Variants in OPTN observed in about 807,000 individuals in gnomAD.
The protein encoded by OPTN is optineurin, also known as E3-14.7K-interacting protein.
Under a neutral mutation model 70.4 loss-of-function variants are expected in OPTN, and 54 were observed. The ratio of observed to expected loss-of-function variants is 0.77; its 90% confidence interval spans 0.62 to 0.96. The LOEUF is 0.96. Among genes scored for constraint, OPTN ranks in the 40% least tolerant of loss-of-function variants. The pLI, the probability that OPTN is intolerant of heterozygous loss-of-function variation, is 0.00. For missense variants in OPTN, 624 were observed against 673.2 expected (o/e 0.93, Z 0.81); for synonymous variants, 256 against 248.5 (o/e 1.03, Z -0.28).
intron 3 of OPTN, 196 bp from the exon 4 acceptor site, chr10:13,110,078 A>T (rs1832962837): frequency 3.3e-6 from 3 of 898,800 alleles, no homozygotes; most frequent in African/African-American, 1.7e-5. Flanking sequence ...TAAGGACTAG[A>T]AATGATGTTC....
intron 12 of OPTN, 63 bp from the exon 13 acceptor site, chr10:13,132,004 A>G: frequency 6.4e-7 from 1 of 1,553,246 alleles, no homozygotes; most frequent in Non-Finnish European, 8.8e-7. Context: ...CTCATCGCAT[A>G]AACACTGTAA....
At position 13,137,426 on chromosome 10, in the gene OPTN, T is replaced by C. The variant is rs1309969219; in HGVS notation, c.*560T>C. ...ACTCTTCTGATAATAATTTTAATAT[T>C]TTTTATGTTTGGTTGATGCGAGCAG... On this transcript the variant is annotated 3_prime_UTR_variant, in exon 15 of 15. Transcript: ENST00000378747. 4.3e-6 allele frequency: 1 copy of C among 232,400 alleles called. No homozygotes were observed. Among genetic ancestry groups the C allele is most frequent in the Non-Finnish European group, 8.5e-6 (1 of 117,000 alleles). 14.4% of individuals were successfully genotyped at this position (232,400 alleles called of 1,614,324 possible).
At chr10:13,100,732 G>A (rs2131465411) in intron 1 of OPTN, among the ~76,000 whole-genome samples, 1 of 152,344 alleles carries the variant, frequency 6.6e-6, no homozygotes, top group African/African-American at 2.4e-5. Context: ...GCCCAGGGTC[G>A]GTGGGAATCC....
chr10:13,131,987 C>G, intron 12 of OPTN, 80 bp from the exon 13 acceptor site: 12 of 1,427,944 alleles, frequency 8.4e-6, no homozygotes, highest in Non-Finnish European at 1.2e-5. Context: ...GGATACAGCA[C>G]TACCTCCTCA....
At chr10:13,132,769 A>T (rs1178973481) in intron 13 of OPTN, among the ~76,000 whole-genome samples, 4 of 152,198 alleles carry the variant, frequency 2.6e-5, no homozygotes, top group Admixed American at 6.5e-5. Flanking sequence ...AATATTCTTT[A>T]AAAAATACTA....
In OPTN at chr10:13,106,257, A is replaced by G. The variant is rs187975355; in HGVS notation, c.-163-1881A>G. Reference sequence around the variant, plus strand: ...ATTCCTCTGCAAATTAGGTAGGAACACTGTTACTCAGTAAAACCCTATTTT... The same window carrying G: ...ATTCCTCTGCAAATTAGGTAGGAACGCTGTTACTCAGTAAAACCCTATTTT... On this transcript the variant is annotated intron_variant, in intron 1 of 14. Coordinates refer to ENST00000378747, the MANE Select transcript of OPTN (RefSeq NM_001008212.2). Among the ~76,000 whole-genome samples, 10 of 152,326 alleles carry G rather than the reference A, an allele frequency of 6.6e-5. No homozygotes were observed. The East Asian group carries it at 1.7e-3, about 26-fold the overall frequency.
intron 1 of OPTN, among the ~76,000 whole-genome samples, chr10:13,102,048 T>A (rs969582717): frequency 1.3e-5 from 2 of 152,060 alleles, no homozygotes; most frequent in African/African-American, 4.8e-5. Flanking sequence ...GAGGTGGAAA[T>A]GCAGAGTGTT....
intron 1 of OPTN, among the ~76,000 whole-genome samples, chr10:13,104,106 G>C (rs908996794): frequency 2.0e-5 from 3 of 152,076 alleles, no homozygotes; most frequent in African/African-American, 7.2e-5. Flanking sequence ...TAAAAACAGA[G>C]AATGAAGCTT....
rs552868399 is a variant in OPTN at position 13,111,487 on chromosome 10, G to T, written c.370-966G>T. On this transcript the variant is annotated intron_variant, in intron 4 of 14. Coordinates refer to ENST00000378747, the MANE Select transcript of OPTN (RefSeq NM_001008212.2). ...CTAGGGTGGGCAGATCACCTGAGGTGAGGAGTTCGAGACCAGCCTGGCCAA... is the reference window on the plus strand; with the variant it reads ...CTAGGGTGGGCAGATCACCTGAGGTTAGGAGTTCGAGACCAGCCTGGCCAA... Among the ~76,000 whole-genome samples the T allele has an allele frequency of 7.2e-5, 11 of 152,066 alleles. No homozygotes were observed. The South Asian group carries it at 1.7e-3, about 23-fold the overall frequency.
chr10:13,119,058 T>A lies in OPTN; in HGVS notation c.779+18T>A, dbSNP rs974229841. ...AAAGAAAGGTATGAAATAGGTTAAC[T>A]TGAAATATGTGTTTTTTTAAAACAG... On this transcript the variant is annotated intron_variant, in intron 7 of 14. Coordinates refer to ENST00000378747, the MANE Select transcript of OPTN (RefSeq NM_001008212.2). 2.5e-6 allele frequency: 4 copies of A among 1,611,590 alleles called. No individual in the cohort carries two copies. The highest frequency in any genetic ancestry group is 3.4e-6 in the Non-Finnish European group (4 of 1,177,974).
chr10:13,101,811 G>A (rs1005021916), intron 1 of OPTN, among the ~76,000 whole-genome samples: 5 of 152,158 alleles, frequency 3.3e-5, no homozygotes, highest in African/African-American at 7.2e-5. Context: ...AGTGAATGCC[G>A]TGGAACTGTG....
chr10:13,122,623 T>A, intron 8 of OPTN, 136 bp downstream of exon 8: 1 of 723,390 alleles, frequency 1.4e-6, no homozygotes, highest in South Asian at 1.5e-5. Flanking sequence ...TATCTATCTA[T>A]TCCTTTTATA....
At chr10:13,126,116 A>T in intron 11 of OPTN, 77 bp downstream of exon 11, 3 of 855,986 alleles carry the variant, frequency 3.5e-6, no homozygotes, top group Non-Finnish European at 5.8e-6. Context: ...TAAAATAGTT[A>T]CATGAATCCT....
chr10:13,125,331 T>C, intron 9 of OPTN, 87 bp from the exon 10 acceptor site: 3 of 1,430,226 alleles, frequency 2.1e-6, no homozygotes, highest in South Asian at 1.2e-5. Flanking sequence ...AAAATTCTTA[T>C]ATTGTACATA....
chr10:13,134,590 G>C (rs111392121), intron 14 of OPTN, among the ~76,000 whole-genome samples: 1 of 152,090 alleles, frequency 6.6e-6, no homozygotes. Context: ...ACGCCACCAC[G>C]CCTGGCTAAT....
chr10:13,130,170 T>C (rs1833562679), intron 12 of OPTN, among the ~76,000 whole-genome samples: 1 of 152,122 alleles, frequency 6.6e-6, no homozygotes, highest in Non-Finnish European at 1.5e-5. Context: ...CTCACACCTG[T>C]AATCCCAGCA....
At chr10:13,133,660 T>C in intron 14 of OPTN, 79 bp downstream of exon 14, 2 of 1,282,126 alleles carry the variant, frequency 1.6e-6, no homozygotes, top group Admixed American at 1.8e-5. Flanking sequence ...TCCACTTCAT[T>C]CTCTACAATG....
At chr10:13,125,823 G>A (rs764722228) in intron 10 of OPTN, 123 bp from the exon 11 acceptor site, 78 of 810,064 alleles carry the variant, frequency 9.6e-5, no homozygotes, top group African/African-American at 5.0e-4. Flanking sequence ...CTAGTAGGTC[G>A]TGGGGTGATA....
At position 13,122,494 on chromosome 10, in the gene OPTN, C is replaced by G; in HGVS notation, c.882+7C>G. 1 of 1,595,950 alleles carries G rather than the reference C, an allele frequency of 6.3e-7. No individual in the cohort carries two copies. On this transcript the variant is annotated splice_region_variant and intron_variant, in intron 8 of 14. Transcript: ENST00000378747. Reference sequence around the variant, plus strand: ...AGAGAAAGGCCCGGAGACTGTGAGTCCTAAGATTCCACGGCCACTACCACA... The same window carrying G: ...AGAGAAAGGCCCGGAGACTGTGAGTGCTAAGATTCCACGGCCACTACCACA...
Sources: gnomAD v4.1 joint callset for allele counts (sites outside exome capture counted in the v4.1 genomes callset) on GRCh38, gnomAD v4.1.1 for gene constraint, MANE v1.5 for transcripts, NCBI Gene and HGNC (gene_info 2026-07-23, HGNC 2026-07-21) for gene names.